The following TYMS variants were observed in gnomAD, a reference collection of about 807,000 sequenced individuals.
The protein encoded by TYMS is thymidylate synthase.
A neutral mutation model predicts 39.3 loss-of-function variants in TYMS; 21 were observed. The ratio of observed to expected loss-of-function variants is 0.54; its 90% CI spans 0.38 to 0.77. TYMS has a LOEUF of 0.77. Ranked by LOEUF, TYMS falls within the 30% of genes least tolerant of loss-of-function variation. The pLI is 0.00. For synonymous variants in TYMS, 171 were observed against 162.2 expected (o/e 1.05, Z -0.41); for missense variants, 273 against 406.7 (o/e 0.67, Z 2.83).
chr18:669,309 G>A lies in TYMS; in HGVS notation c.556+136G>A, dbSNP rs1316711018. 8 of 627,078 alleles carry A rather than the reference G, an allele frequency of 1.3e-5. No homozygotes were observed. The African/African-American group carries it at 1.5e-4, about 12-fold the overall frequency. The allele number at this position is 627,078 out of a possible 1,614,324, so 38.8% of individuals were successfully genotyped here. A position where few individuals can be genotyped will look rare whatever the true frequency, so the allele number is the denominator to read the frequency against. ...GCCACATGGTTGATTGTGTGACGTTGGGCAAGTCACATTTTGCTGCACTTT... is the reference window on the plus strand; with the variant it reads ...GCCACATGGTTGATTGTGTGACGTTAGGCAAGTCACATTTTGCTGCACTTT... On this transcript the variant is annotated intron_variant, in intron 4 of 6. Transcript: ENST00000323274.
intron 3 of TYMS, among the ~76,000 whole-genome samples, chr18:664,263 T>G (rs986354835): frequency 3.9e-4 from 59 of 151,752 alleles, no homozygotes; most frequent in Non-Finnish European, 7.5e-4. Flanking sequence ...CTAGGTATTT[T>G]ATTCTCTTTG....
chr18:671,504 T>C (rs966543243), intron 6 of TYMS, 53 bp downstream of exon 6: 6 of 1,176,468 alleles, frequency 5.1e-6, no homozygotes, highest in African/African-American at 4.5e-5. Context: ...TGATAAAAGG[T>C]TGACTGTGGA....
In TYMS at chr18:673,036, T is replaced by C. The variant is rs201643970; in HGVS notation, c.*39T>C. 135 of 1,486,120 alleles carry C rather than the reference T, an allele frequency of 9.1e-5. No homozygotes were observed. Among genetic ancestry groups the C allele is most frequent in the Non-Finnish European group, 1.1e-4 (121 of 1,099,658 alleles). The allele number at this position is 1,486,120 out of a possible 1,614,324, so 92.1% of individuals were successfully genotyped here. A position where few individuals can be genotyped will look rare whatever the true frequency, so the allele number is the denominator to read the frequency against. On this transcript the variant is annotated 3_prime_UTR_variant, in exon 7 of 7. Coordinates refer to ENST00000323274, the MANE Select transcript of TYMS (RefSeq NM_001071.4). ...GAGCTCGAAGGATATTGTCAGTCTT[T>C]AGGGGTTGGGCTGGATGCCGAGGTA... is the stretch of plus-strand genomic sequence containing the variant.
chr18:667,005 T>A (rs867846170), intron 3 of TYMS, among the ~76,000 whole-genome samples: 96 of 4,772 alleles, frequency 0.02, 5 homozygotes, highest in Admixed American at 0.029. Context: ...ATGGAGATGG[T>A]GATGGTGATG....
intron 3 of TYMS, among the ~76,000 whole-genome samples, chr18:668,578 TGATAGAA>T (rs1406262554): frequency 6.6e-6 from 1 of 152,026 alleles, no homozygotes; most frequent in African/African-American, 2.4e-5. Flanking sequence ...GCTGCTGAGG[TGATAGAA>T]AGGAATCCAT....
chr18:659,570 C>T, intron 1 of TYMS, 71 bp from the exon 2 acceptor site: 2 of 1,414,518 alleles, frequency 1.4e-6, no homozygotes, highest in Admixed American at 1.7e-5. Flanking sequence ...GGGCAGTTTT[C>T]TTCCCTGAAG....
intron 4 of TYMS, chr18:670,328 T>C (rs555374328): frequency 4.6e-4 from 80 of 174,032 alleles, no homozygotes; most frequent in African/African-American, 1.7e-3. Context: ...TGCCTGGCCA[T>C]GTAATAGAGA....
rs556984495 is a variant in TYMS, at chr18:657,826, C to G, written c.84C>G (p.His28Gln). The G allele has an allele frequency of 8.3e-5, 122 of 1,470,922 alleles. No individual in the cohort carries two copies. The African/African-American group carries it at 1.3e-3, about 16-fold the overall frequency. 91.1% of individuals were successfully genotyped at this position (1,470,922 alleles called of 1,614,324 possible). A position where few individuals can be genotyped will look rare whatever the true frequency, so the allele number is the denominator to read the frequency against. ...QERDAEPRPP[H>Q]GELQYLGQIQ... ...GGGACGCCGAGCCGCGTCCGCCGCA[C>G]GGGGAGCTGCAGTACCTGGGGCAGA... The change falls in exon 1 of 7, where the codon CAC becomes CAG. Residue 28 changes from histidine to glutamine, a missense_variant. Coordinates refer to ENST00000323274, the MANE Select transcript of TYMS (RefSeq NM_001071.4).
chr18:662,085 A>G, intron 2 of TYMS, 61 bp from the exon 3 acceptor site: 1 of 1,517,868 alleles, frequency 6.6e-7, no homozygotes, highest in Non-Finnish European at 8.8e-7. Context: ...TCTCGGGGGG[A>G]TCAACTGAGA....
chr18:669,013 A>G (rs1470316097), intron 3 of TYMS, 59 bp from the exon 4 acceptor site: 3 of 1,433,454 alleles, frequency 2.1e-6, no homozygotes, highest in Admixed American at 3.4e-5. Flanking sequence ...CTCTAAGGCC[A>G]TCTCATGACA....
intron 3 of TYMS, among the ~76,000 whole-genome samples, chr18:664,124 C>T (rs1295679266): frequency 1.3e-5 from 2 of 150,928 alleles, no homozygotes; most frequent in East Asian, 1.9e-4. Flanking sequence ...GCCATTTTCA[C>T]GATATTGATT....
chr18:671,474 T>C (rs1205594244), intron 6 of TYMS, 23 bp downstream of exon 6: 4 of 1,521,500 alleles, frequency 2.6e-6, no homozygotes, highest in East Asian at 2.3e-5. Context: ...TGTTATACTT[T>C]TGGGTTTGGT....
chr18:670,574 T>C (rs2074995778), intron 4 of TYMS, 118 bp from the exon 5 acceptor site: 2 of 1,099,022 alleles, frequency 1.8e-6, no homozygotes, highest in South Asian at 3.0e-5. Flanking sequence ...GCCCAGTGGC[T>C]CTCTCTCCTG....
rs1215158126 is a variant in TYMS, at chr18:663,510, CTT to C, written c.454+1192_454+1193del. 2.1e-5 allele frequency among the ~76,000 whole-genome samples: 2 copies of C among 93,782 alleles called. 1 individual carries two copies. Among genetic ancestry groups the C allele is most frequent in the Non-Finnish European group, 3.9e-5 (2 of 51,016 alleles). 61.5% of individuals were successfully genotyped at this position (93,782 alleles called of 152,430 possible). ...TAGTTTCTTTTGCTGTGCAGAAGCT[CTT>C]TAGTTTAATTAGATCCCATTTGTCA... On this transcript the variant is annotated intron_variant, in intron 3 of 6. Coordinates refer to ENST00000323274, the MANE Select transcript of TYMS (RefSeq NM_001071.4).
At chr18:672,363 G>A (rs2612100) in intron 6 of TYMS, 64,249 of 152,122 alleles carry the variant, frequency 0.42, 15,317 homozygotes, top group East Asian at 0.68. Context: ...TGCTCTGGTC[G>A]TTTTTAGACA....
At position 658,319 on chromosome 18, in the gene TYMS, T is replaced by C; in HGVS notation, c.205+372T>C. On this transcript the variant is annotated intron_variant, in intron 1 of 6. Transcript: ENST00000323274. The surrounding 1 kb of genome is among the most constrained non-coding windows in gnomAD (Gnocchi z 4.5). ...GCTTGACCGCGCGCCGGTCTCAAAGTCCTGGCTTTGGCCCCTCCTCCGTTT... is the reference window on the plus strand; with the variant it reads ...GCTTGACCGCGCGCCGGTCTCAAAGCCCTGGCTTTGGCCCCTCCTCCGTTT... 1 of 1,370,302 alleles carries C rather than the reference T, an allele frequency of 7.3e-7. No individual in the cohort carries two copies. The highest frequency in any genetic ancestry group is 9.7e-7 in the Non-Finnish European group (1 of 1,032,982). The allele number at this position is 1,370,302 out of a possible 1,614,324, so 84.9% of individuals were successfully genotyped here. A position where few individuals can be genotyped will look rare whatever the true frequency, so the allele number is the denominator to read the frequency against.
rs888754753 is a variant in TYMS, at chr18:658,670, A to C, written c.205+723A>C. The C allele has an allele frequency of 9.1e-5, 25 of 273,954 alleles. No homozygotes were observed. The highest frequency in any genetic ancestry group is 3.2e-4 in the Admixed American group (6 of 18,874). The allele number at this position is 273,954 out of a possible 1,614,324, so 17.0% of individuals were successfully genotyped here. A position where few individuals can be genotyped will look rare whatever the true frequency, so the allele number is the denominator to read the frequency against. On this transcript the variant is annotated intron_variant, in intron 1 of 6. Transcript: ENST00000323274. The surrounding 1 kb of genome is among the most constrained non-coding windows in gnomAD (Gnocchi z 4.5). ...GCGGGGTGGGCACAGGACGTTAGGC[A>C]GCCGTTGGCCCTCCCTAAGGCCACA...
At position 657,676 on chromosome 18, in the gene TYMS, GCGC is replaced by G; in HGVS notation, c.-65_-63del. 1 of 1,164,710 alleles carries G rather than the reference GCGC, an allele frequency of 8.6e-7. No homozygotes were observed. Among genetic ancestry groups the G allele is most frequent in the Non-Finnish European group, 1.1e-6 (1 of 906,554 alleles). 72.1% of individuals were successfully genotyped at this position (1,164,710 alleles called of 1,614,324 possible). On this transcript the variant is annotated 5_prime_UTR_variant, in exon 1 of 7. Transcript: ENST00000323274. The stretch of plus-strand genomic sequence containing the variant: ...CCACTTGGCCTGCCTCCGTCCCGCC[GCGC>G]CACTTGGCCTGCCTCCGTCCCGCCG...
At chr18:671,785 CT>C (rs58489074) in intron 6 of TYMS, 89,043 of 244,456 alleles carry the variant, frequency 0.36, 17,344 homozygotes, top group East Asian at 0.65. Context: ...TTTTCCTTTT[CT>C]TTTTTTTTTG....
Sources: gnomAD v4.1 joint callset for allele counts (sites outside exome capture counted in the v4.1 genomes callset) on GRCh38, gnomAD v4.1.1 for gene constraint, Gnocchi (gnomAD v3.1) non-coding constraint, MANE v1.5 for transcripts, NCBI Gene and HGNC (gene_info 2026-07-23, HGNC 2026-07-21) for gene names.